Variants in HMSD observed in about 807,000 individuals in gnomAD.
The protein encoded by HMSD is histocompatibility minor serpin domain containing.
Under a neutral mutation model 10.0 loss-of-function variants are expected in HMSD, and 13 were observed. The ratio of observed to expected loss-of-function variants is 1.31; its 90% CI spans 0.85 to 2.08. HMSD has a LOEUF of 2.08. Ranked by LOEUF, HMSD falls within the 30% of genes most tolerant of loss-of-function variation. HMSD has a pLI of 0.00. For synonymous variants in HMSD, 51 were observed against 54.2 expected, an observed-to-expected ratio of 0.94 and a Z score of 0.26; for missense variants, 169 against 166.3, an observed-to-expected ratio of 1.02 and a Z score of -0.09.
intron 1 of HMSD, among the ~76,000 whole-genome samples, chr18:63,952,173 A>G (rs1231139335): frequency 3.3e-4 from 50 of 150,322 alleles, no homozygotes; most frequent in African/African-American, 1.2e-3. Context: ...TAGCATTGGG[A>G]GATATACCTA....
At chr18:63,950,100 G>C (rs1011259675) in intron 1 of HMSD, among the ~76,000 whole-genome samples, 1 of 152,120 alleles carries the variant, frequency 6.6e-6, no homozygotes, top group Non-Finnish European at 1.5e-5. Flanking sequence ...CCAAGAAAGA[G>C]TCCTTTAGTA....
In HMSD at chr18:63,961,175, C is replaced by T. The variant is rs1330478408; in HGVS notation, c.*820C>T. The T allele has an allele frequency of 6.8e-6, 1 of 147,822 alleles. No individual in the cohort carries two copies. The allele number at this position is 147,822 out of a possible 1,614,324, so 9.2% of individuals were successfully genotyped here. A position where few individuals can be genotyped will look rare whatever the true frequency, so the allele number is the denominator to read the frequency against. On this transcript the variant is annotated 3_prime_UTR_variant, in exon 4 of 4. Transcript: ENST00000408945. Reference sequence around the variant, plus strand: ...GAGTGGGGAGTGTAAATGGAGTAACCTCTAAGTATCCAAGCAGGAGGGTGT... The same window carrying T: ...GAGTGGGGAGTGTAAATGGAGTAACTTCTAAGTATCCAAGCAGGAGGGTGT...
chr18:63,954,852 G>A (rs8090046), intron 3 of HMSD, among the ~76,000 whole-genome samples: 40,760 of 152,174 alleles, frequency 0.27, 6,016 homozygotes, highest in African/African-American at 0.39. Flanking sequence ...ACTGTTTCTC[G>A]TAATTGCTTT....
intron 1 of HMSD, among the ~76,000 whole-genome samples, chr18:63,952,288 T>TA (rs1002839127): frequency 1.8e-4 from 27 of 146,766 alleles, no homozygotes; most frequent in Admixed American, 5.4e-4. Flanking sequence ...AGTATAATAA[T>TA]AAAAAAAAAA....
rs747084628 is a variant in HMSD at position 63,960,307 on chromosome 18, T to C, written c.372T>C (p.Asn124=). 6.2e-7 allele frequency: 1 copy of C among 1,604,536 alleles called. No individual in the cohort carries two copies. Among genetic ancestry groups the C allele is most frequent in the South Asian group, 1.1e-5 (1 of 89,286 alleles). The change falls in exon 4 of 4, where the codon AAT becomes AAC. Residue 124 remains asparagine (N), a synonymous_variant. Transcript: ENST00000408945. ...GENILLFYFD[N]ILNSFIVSSL... ...ATATATTGTTATTCTATTTCGATAA[T>C]ATTTTAAACAGTTTTATAGTCAGTT...
At position 63,951,383 on chromosome 18, in the gene HMSD, G is replaced by A. The variant is rs147712897; in HGVS notation, c.-102-1971G>A. Among the ~76,000 whole-genome samples the A allele has an allele frequency of 1.5e-3, 234 of 152,296 alleles. 2 individuals carry two copies. The highest frequency in any genetic ancestry group is 5.5e-3 in the African/African-American group (228 of 41,562). Reference sequence around the variant, plus strand: ...ATAATAATAGAAAAAATTGGTCTCTGTTTATGAAAATTCTGCTTCGGGAAT... The same window carrying A: ...ATAATAATAGAAAAAATTGGTCTCTATTTATGAAAATTCTGCTTCGGGAAT... On this transcript the variant is annotated intron_variant, in intron 1 of 3. Transcript: ENST00000408945.
At chr18:63,957,952 G>A (rs1392779368) in intron 3 of HMSD, among the ~76,000 whole-genome samples, 1 of 152,142 alleles carries the variant, frequency 6.6e-6, no homozygotes, top group African/African-American at 2.4e-5. Flanking sequence ...ATAGCAGACA[G>A]TTATTTAAAA....
chr18:63,967,376 C>T lies in HMSD; in HGVS notation n.312+7101C>T, dbSNP rs540237216. ...CTGGAACTCCTGACCTCAGGTGATC[C>T]GCCCGCCTCGGCCTCCAAAAGTGCT... On this transcript the variant is annotated intron_variant and non_coding_transcript_variant, in intron 3 of 5. Transcript: ENST00000481726. Among the ~76,000 whole-genome samples, 6 of 152,260 alleles carry T rather than the reference C, an allele frequency of 3.9e-5. No homozygotes were observed. In the South Asian group the frequency reaches 8.3e-4, roughly 21 times the overall value.
intron 3 of HMSD, among the ~76,000 whole-genome samples, chr18:63,955,002 T>C (rs916737663): frequency 6.6e-6 from 1 of 152,256 alleles, no homozygotes; most frequent in Non-Finnish European, 1.5e-5. Context: ...AATGCTTTCA[T>C]GACTTTTCTA....
chr18:63,954,668 C>A, intron 3 of HMSD, 111 bp downstream of exon 3: 1 of 811,050 alleles, frequency 1.2e-6, no homozygotes, highest in Non-Finnish European at 2.0e-6. Context: ...GAACTCCACG[C>A]ACGAATCTCA....
chr18:63,959,435 T>G (rs926491661), intron 3 of HMSD, among the ~76,000 whole-genome samples: 1 of 152,206 alleles, frequency 6.6e-6, no homozygotes, highest in Non-Finnish European at 1.5e-5. Flanking sequence ...CTCCGAGTAC[T>G]TTTGGAATTT....
At position 63,960,664 on chromosome 18, in the gene HMSD, T is replaced by C. The variant is rs1599112455; in HGVS notation, c.*309T>C. 7.8e-6 allele frequency: 2 copies of C among 254,962 alleles called. No homozygotes were observed. The highest frequency in any genetic ancestry group is 1.5e-5 in the Non-Finnish European group (2 of 133,690). The allele number at this position is 254,962 out of a possible 1,614,324, so 15.8% of individuals were successfully genotyped here. On this transcript the variant is annotated 3_prime_UTR_variant, in exon 4 of 4. Coordinates refer to ENST00000408945, the MANE Select transcript of HMSD (RefSeq NM_001123366.2). ...GATCAGTGATAAGGGAACACACTGA[T>C]GATTTAGATTGAACAGGGAGAGTTA... is the stretch of plus-strand genomic sequence containing the variant.
chr18:63,967,902 C>T (rs1488728171), intron 3 of HMSD: 1 of 152,204 alleles, frequency 6.6e-6, no homozygotes, highest in Non-Finnish European at 1.5e-5. Flanking sequence ...GGTTTCCCTT[C>T]AGGGCCCAGC....
chr18:63,959,916 G>T (rs1472939534), intron 3 of HMSD, among the ~76,000 whole-genome samples: 1 of 152,142 alleles, frequency 6.6e-6, no homozygotes, highest in Non-Finnish European at 1.5e-5. Flanking sequence ...CCACTCTCAT[G>T]AAGGATCCAG....
intron 3 of HMSD, among the ~76,000 whole-genome samples, chr18:63,967,526 A>C (rs2050415459): frequency 6.6e-6 from 1 of 152,110 alleles, no homozygotes; most frequent in South Asian, 2.1e-4. Context: ...TTATGCCTGG[A>C]CTCTACTTCC....
downstream of HMSD, among the ~76,000 whole-genome samples, chr18:63,963,881 C>T: frequency 6.6e-6 from 1 of 152,212 alleles, no homozygotes; most frequent in East Asian, 1.9e-4. Flanking sequence ...TTTCTGGATT[C>T]TGATCTTCTT....
At chr18:63,968,860 T>TG (rs2050425690) in intron 3 of HMSD, 2 of 152,180 alleles carry the variant, frequency 1.3e-5, no homozygotes, top group Admixed American at 6.5e-5. Flanking sequence ...GGAGAAAAGA[T>TG]GGGGGTGAAT....
intron 3 of HMSD, among the ~76,000 whole-genome samples, chr18:63,957,320 T>A (rs962820731): frequency 3.3e-5 from 5 of 149,734 alleles, no homozygotes; most frequent in Non-Finnish European, 4.4e-5. Flanking sequence ...AAAAAAAAAA[T>A]AAAAACTTTT....
chr18:63,965,525 C>T (rs1427376721), downstream of HMSD, among the ~76,000 whole-genome samples: 1 of 152,178 alleles, frequency 6.6e-6, no homozygotes, highest in African/African-American at 2.4e-5. Context: ...CAGGCAATGC[C>T]ATATCAGGAG....
Sources: allele counts gnomAD v4.1 joint callset (sites outside exome capture counted in the v4.1 genomes callset), GRCh38; gene constraint gnomAD v4.1.1; transcripts MANE v1.5; gene names NCBI Gene and HGNC (gene_info 2026-07-23, HGNC 2026-07-21).